The following RNF130 variants were observed in gnomAD, a reference collection of about 807,000 sequenced individuals.
The protein encoded by RNF130 is ring finger protein 130, also known as E3 ubiquitin-protein ligase RNF130.
A neutral mutation model predicts 44.6 loss-of-function variants in RNF130; 21 were observed. The ratio of observed to expected loss-of-function variants is 0.47; its 90% CI spans 0.33 to 0.68. The LOEUF is 0.68. Among genes scored for constraint, RNF130 ranks in the 30% least tolerant of loss-of-function variants. RNF130 has a pLI of 0.02. For synonymous variants in RNF130, 214 were observed against 210.4 expected (o/e 1.02, Z -0.15); for missense variants, 479 against 560.6 (o/e 0.85, Z 1.47).
intron 3 of RNF130, among the ~76,000 whole-genome samples, chr5:179,990,331 C>T (rs751733306): frequency 6.6e-6 from 1 of 152,204 alleles, no homozygotes; most frequent in Admixed American, 6.5e-5. Flanking sequence ...GAGAGGACAG[C>T]TTACGTCATC....
At chr5:180,058,472 G>A (rs554837365) in intron 1 of RNF130, among the ~76,000 whole-genome samples, 11 of 152,322 alleles carry the variant, frequency 7.2e-5, no homozygotes, top group South Asian at 6.2e-4. Context: ...TAACCTAGTC[G>A]AATTCATAGA....
intron 1 of RNF130, among the ~76,000 whole-genome samples, chr5:180,045,492 G>C (rs945029669): frequency 6.6e-6 from 1 of 152,184 alleles, no homozygotes; most frequent in Non-Finnish European, 1.5e-5. Context: ...ATCTCAAACA[G>C]GGAAAGAACA....
chr5:180,043,196 G>A (rs867586429), intron 1 of RNF130, among the ~76,000 whole-genome samples: 17 of 152,158 alleles, frequency 1.1e-4, no homozygotes, highest in South Asian at 2.1e-4. Flanking sequence ...ATGGTGGCAC[G>A]CACCTGTAGT....
chr5:180,039,557 C>A (rs751244808), intron 2 of RNF130, among the ~76,000 whole-genome samples: 1 of 152,142 alleles, frequency 6.6e-6, no homozygotes, highest in Non-Finnish European at 1.5e-5. Context: ...TCAGAGGGCA[C>A]TAAAGTTGAA....
downstream of RNF130, among the ~76,000 whole-genome samples, chr5:179,951,577 G>A (rs1333711854): frequency 1.3e-5 from 2 of 152,200 alleles, no homozygotes; most frequent in African/African-American, 4.8e-5. Context: ...TAGAGACGGG[G>A]TTTCACCGTG....
chr5:179,940,848 T>C (rs1047674021), intron 7 of RNF130, among the ~76,000 whole-genome samples: 1 of 152,162 alleles, frequency 6.6e-6, no homozygotes, highest in Admixed American at 6.5e-5. Context: ...TGTATATTAA[T>C]TTTTTCATCA....
chr5:180,058,349 C>T (rs1764887157), intron 1 of RNF130, among the ~76,000 whole-genome samples: 2 of 152,134 alleles, frequency 1.3e-5, no homozygotes, highest in South Asian at 4.1e-4. Flanking sequence ...AAAATCTGGT[C>T]ACTTTATTCC....
chr5:179,920,263 T>C, exon 8 of RNF130: 1 of 671,290 alleles, frequency 1.5e-6, no homozygotes, highest in Non-Finnish European at 2.7e-6. Flanking sequence ...AGAAAGGTGA[T>C]CAGAAATCAA....
intron 2 of RNF130, among the ~76,000 whole-genome samples, chr5:180,039,504 T>G (rs1764355514): frequency 6.6e-6 from 1 of 152,118 alleles, no homozygotes; most frequent in Admixed American, 6.6e-5. Flanking sequence ...TCCTAAAGTA[T>G]ATCTTACTTC....
At chr5:180,021,837 G>A (rs559917608) in intron 2 of RNF130, among the ~76,000 whole-genome samples, 7 of 152,148 alleles carry the variant, frequency 4.6e-5, no homozygotes, top group African/African-American at 7.2e-5. Flanking sequence ...ATCCAATCCC[G>A]AAGTCCATCC....
intron 4 of RNF130, 27 bp downstream of exon 4, chr5:179,980,102 G>T: frequency 1.3e-6 from 2 of 1,599,352 alleles, no homozygotes; most frequent in Non-Finnish European, 1.7e-6. Context: ...TTACTTTTAC[G>T]GTGCTGAAGT....
downstream of RNF130, among the ~76,000 whole-genome samples, chr5:179,954,755 T>TTC (rs1762176932): frequency 6.6e-6 from 1 of 152,226 alleles, no homozygotes; most frequent in Non-Finnish European, 1.5e-5. Context: ...CCCCTGCTGA[T>TTC]TTGAGCATGA....
At chr5:179,946,505 C>T (rs979254074) in intron 7 of RNF130, among the ~76,000 whole-genome samples, 2 of 151,742 alleles carry the variant, frequency 1.3e-5, no homozygotes, top group African/African-American at 2.4e-5. Flanking sequence ...AATGTACTAG[C>T]GTTCTTCTTA....
chr5:180,056,918 G>A (rs1437665311), intron 1 of RNF130, among the ~76,000 whole-genome samples: 1 of 152,072 alleles, frequency 6.6e-6, no homozygotes. Flanking sequence ...GTCACAAGAA[G>A]GCATACCGTG....
intron 7 of RNF130, among the ~76,000 whole-genome samples, chr5:179,933,586 A>G (rs777191783): frequency 1.5e-4 from 23 of 150,940 alleles, no homozygotes; most frequent in Non-Finnish European, 3.1e-4. Context: ...CAGTGGTGCA[A>G]TCATGGCTCA....
At chr5:179,951,832 A>C (rs1020774255), downstream of RNF130, among the ~76,000 whole-genome samples, 1 of 152,198 alleles carries the variant, frequency 6.6e-6, no homozygotes, top group Non-Finnish European at 1.5e-5. Flanking sequence ...CAATGGGCCA[A>C]AGAAGAAATA....
chr5:180,036,648 T>A (rs1383197940), intron 2 of RNF130, among the ~76,000 whole-genome samples: 3 of 152,262 alleles, frequency 2.0e-5, no homozygotes, highest in South Asian at 2.1e-4. Context: ...TGTCCAGTTT[T>A]ATAGTTGCTT....
intron 2 of RNF130, among the ~76,000 whole-genome samples, chr5:180,029,852 CTTT>C (rs11397024): frequency 6.9e-6 from 1 of 144,288 alleles, no homozygotes; most frequent in Non-Finnish European, 1.5e-5. Flanking sequence ...CTATCCACCT[CTTT>C]TTTTTTTTTT....
chr5:179,973,183 T>C (rs1423479796), intron 5 of RNF130, among the ~76,000 whole-genome samples: 1 of 152,178 alleles, frequency 6.6e-6, no homozygotes, highest in Admixed American at 6.5e-5. Context: ...CCAGCTTCTG[T>C]GCAACTCACC....
Sources: allele counts gnomAD v4.1 joint callset (sites outside exome capture counted in the v4.1 genomes callset), GRCh38; gene constraint gnomAD v4.1.1; transcripts MANE v1.5; gene names NCBI Gene and HGNC (gene_info 2026-07-23, HGNC 2026-07-21).